The following NHSL1 variants were observed in gnomAD, a reference collection of about 807,000 sequenced individuals.
NHSL1 encodes NHS-like protein 1.
In NHSL1, 48 loss-of-function variants were observed where a neutral mutation model predicts 95.0. The ratio of observed to expected loss-of-function variants is 0.51; its 90% CI spans 0.40 to 0.64. The LOEUF (loss-of-function observed/expected upper bound fraction) is 0.64, where lower values mean the gene tolerates loss of function less well. Among genes scored for constraint, NHSL1 ranks in the 30% least tolerant of loss-of-function variants. NHSL1 has a pLI of 0.00. For missense variants in NHSL1, 1,971 were observed against 2,077.7 expected, an observed-to-expected ratio of 0.95 and a Z score of 1.00; for synonymous variants, 783 against 833.9, an observed-to-expected ratio of 0.94 and a Z score of 1.05.
At chr6:138,681,983 CT>C (rs5880393) in intron 1 of NHSL1, among the ~76,000 whole-genome samples, 32 of 145,290 alleles carry the variant, frequency 2.2e-4, no homozygotes, top group Non-Finnish European at 2.7e-4. Context: ...TACCGCTTTT[CT>C]TTTTTTTTTT....
At chr6:138,541,437 G>T (rs12200595) in intron 1 of NHSL1, among the ~76,000 whole-genome samples, 36,686 of 152,144 alleles carry the variant, frequency 0.24, 5,485 homozygotes, top group Middle Eastern at 0.43. Flanking sequence ...ACAGCAGAGA[G>T]TCTGCTTTAA....
chr6:138,513,488 C>T (rs1398296110), intron 1 of NHSL1, among the ~76,000 whole-genome samples: 1 of 152,174 alleles, frequency 6.6e-6, no homozygotes, highest in African/African-American at 2.4e-5. Flanking sequence ...TCCCCTGCTT[C>T]GGCCTCCCAA....
At position 138,499,302 on chromosome 6, in the gene NHSL1, C is replaced by T; in HGVS notation, c.-12G>A. 6.4e-7 allele frequency: 1 copy of T among 1,550,470 alleles called. No homozygotes were observed. The highest frequency in any genetic ancestry group is 1.2e-5 in the South Asian group (1 of 84,016). ...ATGAAGACCACCATTTCCAGGGCACCTACATAGAGCTTAGAAATGTAAATC... is the reference window on the plus strand; with the variant it reads ...ATGAAGACCACCATTTCCAGGGCACTTACATAGAGCTTAGAAATGTAAATC... On this transcript the variant is annotated 5_prime_UTR_variant, in exon 1 of 8. The change abolishes the stop of an existing upstream ORF in the 5' untranslated region. Transcript: ENST00000343505.
At chr6:138,499,537 C>G (rs1780561218), upstream of NHSL1, 2 of 689,572 alleles carry the variant, frequency 2.9e-6, no homozygotes, top group Non-Finnish European at 4.0e-6. Flanking sequence ...CTGAGAGCAG[C>G]CAGTGACATC....
chr6:138,568,154 A>C (rs953072636), intron 1 of NHSL1, among the ~76,000 whole-genome samples: 1 of 152,208 alleles, frequency 6.6e-6, no homozygotes, highest in African/African-American at 2.4e-5. Context: ...CAGTTAGAAG[A>C]CCATGCAAAA....
chr6:138,458,716 C>T (rs1390777113), intron 3 of NHSL1, among the ~76,000 whole-genome samples: 2 of 151,746 alleles, frequency 1.3e-5, no homozygotes, highest in African/African-American at 2.4e-5. Context: ...GTCCCAGCTA[C>T]TCGGGAGGCT....
chr6:138,520,755 T>C (rs933329069), intron 1 of NHSL1, among the ~76,000 whole-genome samples: 3 of 152,160 alleles, frequency 2.0e-5, no homozygotes, highest in Admixed American at 1.3e-4. Flanking sequence ...GACAAACACA[T>C]GGGCTTCAAC....
intron 1 of NHSL1, among the ~76,000 whole-genome samples, chr6:138,683,899 A>G (rs2114791339): frequency 6.6e-6 from 1 of 152,352 alleles, no homozygotes; most frequent in African/African-American, 2.4e-5. Context: ...CGTCGACAGC[A>G]TCATCAGGCA....
At chr6:138,449,868 A>G (rs1777119469) in intron 3 of NHSL1, among the ~76,000 whole-genome samples, 1 of 152,242 alleles carries the variant, frequency 6.6e-6, no homozygotes. Flanking sequence ...CTTAATAAAT[A>G]AAACACATAA....
At chr6:138,567,797 G>T (rs752155626) in intron 1 of NHSL1, among the ~76,000 whole-genome samples, 3 of 152,090 alleles carry the variant, frequency 2.0e-5, no homozygotes, top group Non-Finnish European at 4.4e-5. Flanking sequence ...TTCAAAGCTG[G>T]TAACATTACT....
At chr6:138,671,487 C>A (rs1186606914) in intron 1 of NHSL1, among the ~76,000 whole-genome samples, 5 of 150,720 alleles carry the variant, frequency 3.3e-5, no homozygotes, top group Non-Finnish European at 1.5e-5. Context: ...CAGGGCTCCA[C>A]CAAATGAAGA....
rs183541355 is a variant in NHSL1, at chr6:138,661,641, G to A, written c.96+30835C>T. Among the ~76,000 whole-genome samples, 276 of 150,256 alleles carry A rather than the reference G, an allele frequency of 1.8e-3. 3 individuals are homozygous for A. Among genetic ancestry groups the A allele is most frequent in the East Asian group, 0.015 (75 of 5,146 alleles). On this transcript the variant is annotated intron_variant, in intron 1 of 3. Transcript: ENST00000491526. ...TGTGCCACTGCCCTCCAGACTAAGC[G>A]ACAGAATGAGACCTTGTCTCAAATA...
At chr6:138,550,315 G>A (rs1417255845), upstream of NHSL1, among the ~76,000 whole-genome samples, 1 of 152,120 alleles carries the variant, frequency 6.6e-6, no homozygotes, top group Non-Finnish European at 1.5e-5. Flanking sequence ...ACATGAAAAG[G>A]CACACTGTTC....
intron 1 of NHSL1, among the ~76,000 whole-genome samples, chr6:138,659,351 A>G (rs1208320846): frequency 1.3e-5 from 2 of 152,096 alleles, no homozygotes. Context: ...TGCCCAGCCT[A>G]GACTGTAATT....
chr6:138,513,817 T>A (rs78946812), intron 1 of NHSL1, among the ~76,000 whole-genome samples: 3,100 of 152,202 alleles, frequency 0.02, 53 homozygotes, highest in South Asian at 0.082. Flanking sequence ...CTACTTGTAG[T>A]GATTTGTTCA....
Position 138,424,709 on chromosome 6 carries a change from G to C in NHSL1, c.4193C>G (p.Ser1398Cys). The C allele has an allele frequency of 6.4e-7, 1 of 1,551,658 alleles. No individual in the cohort carries two copies. The highest frequency in any genetic ancestry group is 8.7e-7 in the Non-Finnish European group (1 of 1,146,992). Residue 1398 changes from serine to cysteine, a missense_variant, in exon 8 of 8, where the codon TCT becomes TGT. By Grantham distance (112) the Ser-to-Cys change is moderately radical. Transcript: ENST00000343505. This position sits in a 1 kb window ranked among gnomAD's most constrained non-coding sequence, Gnocchi z 5.9. ...TPTGAAPSLASPKQVGSIQRS... is the reference protein window; with the variant it reads ...TPTGAAPSLACPKQVGSIQRS... ...CTGAATCGACCCCACTTGCTTTGGAGAGGCCAGGCTTGGGGCAGCGCCGGT... is the reference window on the plus strand; with the variant it reads ...CTGAATCGACCCCACTTGCTTTGGACAGGCCAGGCTTGGGGCAGCGCCGGT...
At chr6:138,650,029 A>G (rs900972811) in intron 1 of NHSL1, among the ~76,000 whole-genome samples, 1 of 152,080 alleles carries the variant, frequency 6.6e-6, no homozygotes, top group African/African-American at 2.4e-5. Context: ...GACCCAATCC[A>G]CTGGGTGCAG....
chr6:138,462,962 T>A (rs187099140), intron 3 of NHSL1, among the ~76,000 whole-genome samples: 76 of 152,234 alleles, frequency 5.0e-4, no homozygotes, highest in African/African-American at 1.8e-3. Flanking sequence ...AGGGCAGGGT[T>A]AATGGGTGAG....
intron 4 of NHSL1, among the ~76,000 whole-genome samples, chr6:138,444,177 A>G (rs1235729997): frequency 6.6e-6 from 1 of 152,050 alleles, no homozygotes; most frequent in Non-Finnish European, 1.5e-5. Flanking sequence ...CATGGTTACT[A>G]TTTAGAAATA....
Sources: gnomAD v4.1 joint callset for allele counts (sites outside exome capture counted in the v4.1 genomes callset) on GRCh38, gnomAD v4.1.1 for gene constraint, Gnocchi (gnomAD v3.1) non-coding constraint, MANE v1.5 for transcripts, NCBI Gene and HGNC (gene_info 2026-07-23, HGNC 2026-07-21) for gene names.